TRAPPC12: variants seen among roughly 807,000 people sequenced by gnomAD.
TRAPPC12 encodes TPR repeat protein 15.
TRAPPC12 carries 61 observed loss-of-function variants against 69.2 expected under a neutral mutation model. The observed-to-expected ratio is 0.88, with a 90% CI of 0.72 to 1.09. The LOEUF (loss-of-function observed/expected upper bound fraction) is 1.09, where lower values mean the gene tolerates loss of function less well. Ranked by LOEUF, TRAPPC12 falls within the 50% of genes least tolerant of loss-of-function variation. The pLI, the probability that TRAPPC12 is intolerant of heterozygous loss-of-function variation, is 0.00. For synonymous variants in TRAPPC12, 469 were observed against 438.9 expected (o/e 1.07, Z -0.86); for missense variants, 1,101 against 1,016.4 (o/e 1.08, Z -1.13).
At chr2:3,421,358 A>G (rs1409067556) in intron 3 of TRAPPC12, among the ~76,000 whole-genome samples, 1 of 152,248 alleles carries the variant, frequency 6.6e-6, no homozygotes, top group Non-Finnish European at 1.5e-5. Flanking sequence ...GGCCTGGAAC[A>G]TGTTGTGTTC....
intron 3 of TRAPPC12, among the ~76,000 whole-genome samples, chr2:3,410,113 G>A (rs1021187363): frequency 6.6e-6 from 1 of 152,184 alleles, no homozygotes; most frequent in Non-Finnish European, 1.5e-5. Flanking sequence ...ATTGGCTCTC[G>A]GGTTGGTGTA....
chr2:3,404,159 G>C (rs2103475498), intron 3 of TRAPPC12, among the ~76,000 whole-genome samples: 1 of 152,308 alleles, frequency 6.6e-6, no homozygotes, highest in Admixed American at 6.5e-5. Context: ...CCAGATCGCG[G>C]TTGTGTGAGG....
intron 8 of TRAPPC12, among the ~76,000 whole-genome samples, chr2:3,465,075 G>A (rs886960839): frequency 4.6e-5 from 7 of 151,196 alleles, no homozygotes; most frequent in South Asian, 2.1e-4. Context: ...CTGCAAGGCC[G>A]ACCTCCATCA....
chr2:3,458,455 TC>T, intron 7 of TRAPPC12: 3 of 986,258 alleles, frequency 3.0e-6, no homozygotes, highest in Non-Finnish European at 3.6e-6. Flanking sequence ...GGTCTCCGTT[TC>T]CGCAGGTGTG....
At chr2:3,387,407 C>A (rs1660542322) in intron 1 of TRAPPC12, among the ~76,000 whole-genome samples, 1 of 152,166 alleles carries the variant, frequency 6.6e-6, no homozygotes, top group Non-Finnish European at 1.5e-5. Context: ...AAAAAGTGTT[C>A]TGGAGATTGG....
Position 3,387,658 on chromosome 2 carries a change from C to G in TRAPPC12, c.35C>G (p.Ala12Gly), listed in dbSNP as rs776963471. The G allele has an allele frequency of 2.9e-5, 45 of 1,548,632 alleles. No homozygotes were observed. In the East Asian group the frequency reaches 1.1e-3, roughly 38 times the overall value. ...GCTGGCGGCGGCGAGGAGACCCCGG[C>G]CCCGGAGGCCCCGCACCCCCCTCAG... The part of the protein sequence containing the change: ...EDAGGGEETP[A>G]PEAPHPPQLA... Residue 12 changes from alanine (A) to glycine (G), a missense_variant, in exon 2 of 12, where the codon GCC (alanine) becomes GGC (glycine). Ala to Gly is a moderately conservative substitution (Grantham distance 60, BLOSUM62 0). Transcript: ENST00000324266.
At chr2:3,456,831 G>C (rs186076482) in intron 6 of TRAPPC12, 1 of 258,856 alleles carries the variant, frequency 3.9e-6, no homozygotes, top group Non-Finnish European at 7.5e-6. Flanking sequence ...CACCTGCCTC[G>C]GCCTCCCAAG....
At chr2:3,393,066 C>G (rs1401127304) in intron 2 of TRAPPC12, among the ~76,000 whole-genome samples, 1 of 151,934 alleles carries the variant, frequency 6.6e-6, no homozygotes, top group East Asian at 1.9e-4. Flanking sequence ...GCTATGATGG[C>G]ACCACTGCAC....
chr2:3,426,175 TCTGA>T (rs1359095330), intron 5 of TRAPPC12, among the ~76,000 whole-genome samples: 5 of 152,200 alleles, frequency 3.3e-5, no homozygotes, highest in Admixed American at 6.5e-5. Context: ...GTTTCTTCCT[TCTGA>T]CTAAGGGAAT....
intron 5 of TRAPPC12, among the ~76,000 whole-genome samples, chr2:3,436,853 T>C (rs1663821124): frequency 1.3e-5 from 1 of 74,762 alleles, no homozygotes; most frequent in African/African-American, 5.6e-5. Context: ...CCAGGATTAA[T>C]ACCCCATCAC....
At chr2:3,442,133 TATTAACAGCTAGTCTGTACGTTGAGATC>T (rs1664252766) in intron 5 of TRAPPC12, among the ~76,000 whole-genome samples, 2 of 151,892 alleles carry the variant, frequency 1.3e-5, no homozygotes, top group Non-Finnish European at 2.9e-5. Context: ...GAGATCGGAG[TATTAACAGCTAGTCTGTACGTTGAGATC>T]GGAGTATTAA....
chr2:3,408,170 G>A (rs1661833988), intron 3 of TRAPPC12, among the ~76,000 whole-genome samples: 1 of 152,304 alleles, frequency 6.6e-6, no homozygotes, highest in Middle Eastern at 3.4e-3. Flanking sequence ...GACATGTGTG[G>A]CCAAGGAAAT....
At chr2:3,421,786 G>T in intron 3 of TRAPPC12, 95 bp from the exon 4 acceptor site, 15 of 1,136,766 alleles carry the variant, frequency 1.3e-5, no homozygotes, top group Non-Finnish European at 2.0e-5. Context: ...CTTCCAGCAA[G>T]GTGAGCAGCT....
At chr2:3,457,907 T>C (rs894032724) in intron 7 of TRAPPC12, 6 of 1,411,878 alleles carry the variant, frequency 4.2e-6, no homozygotes, top group Non-Finnish European at 5.5e-6. Flanking sequence ...ACCCGAACCC[T>C]GCGCCCGGGG....
rs577510046 is a variant in TRAPPC12 at position 3,474,918 on chromosome 2, T to G, written c.1777-2777T>G. Among the ~76,000 whole-genome samples the G allele has an allele frequency of 3.3e-4, 51 of 152,324 alleles. 1 individual carries two copies. The highest frequency in any genetic ancestry group is 2.0e-3 in the Admixed American group (30 of 15,296). On this transcript the variant is annotated intron_variant, in intron 9 of 11. Coordinates refer to ENST00000324266, the MANE Select transcript of TRAPPC12 (RefSeq NM_016030.6). ...TTTTTCTGTGTTTCTGGGAACCATTTTGGTAACTGAGAGTTTTCTAGAAAG... is the reference window on the plus strand; with the variant it reads ...TTTTTCTGTGTTTCTGGGAACCATTGTGGTAACTGAGAGTTTTCTAGAAAG...
intron 3 of TRAPPC12, among the ~76,000 whole-genome samples, chr2:3,404,677 G>T (rs1168034735): frequency 1.3e-5 from 2 of 152,048 alleles, no homozygotes; most frequent in African/African-American, 4.8e-5. Context: ...AGCGTGTCTT[G>T]TTCACCAGTG....
At chr2:3,390,323 A>T (rs550879150) in intron 2 of TRAPPC12, among the ~76,000 whole-genome samples, 1 of 152,342 alleles carries the variant, frequency 6.6e-6, no homozygotes, top group Admixed American at 6.5e-5. Context: ...GTACAAACAT[A>T]TTTAAGTAAA....
At chr2:3,398,709 A>G (rs1470418786) in intron 2 of TRAPPC12, among the ~76,000 whole-genome samples, 1 of 152,242 alleles carries the variant, frequency 6.6e-6, no homozygotes, top group Non-Finnish European at 1.5e-5. Flanking sequence ...GCCAGGCCCT[A>G]ACCGCCTGTC....
At chr2:3,418,100 C>T (rs1272478349) in intron 3 of TRAPPC12, among the ~76,000 whole-genome samples, 1 of 20,922 alleles carries the variant, frequency 4.8e-5, no homozygotes, top group Admixed American at 3.3e-4. Flanking sequence ...TGCCTGTAAT[C>T]CCATAATCCC....
Sources: gnomAD v4.1 joint callset for allele counts (sites outside exome capture counted in the v4.1 genomes callset) on GRCh38, gnomAD v4.1.1 for gene constraint, MANE v1.5 for transcripts, NCBI Gene and HGNC (gene_info 2026-07-23, HGNC 2026-07-21) for gene names.